The following GPAT3 variants were observed in gnomAD, a reference collection of about 807,000 sequenced individuals.
The protein encoded by GPAT3 is 1-AGP acyltransferase 9.
A neutral mutation model predicts 58.8 loss-of-function variants in GPAT3; 53 were observed. That is an observed-to-expected ratio of 0.90 (90% CI 0.72 to 1.13). The LOEUF (loss-of-function observed/expected upper bound fraction) is 1.13, where lower values mean the gene tolerates loss of function less well. Among genes scored for constraint, GPAT3 ranks in the 50% most tolerant of loss-of-function variants. The probability of loss-of-function intolerance (pLI) is 0.00; values close to 1 mark genes in which losing one functional copy is unlikely to be tolerated. For missense variants in GPAT3, 511 were observed against 527.6 expected (o/e 0.97, Z 0.31); for synonymous variants, 197 against 187.4 (o/e 1.05, Z -0.42).
intron 2 of GPAT3, among the ~76,000 whole-genome samples, chr4:83,575,859 A>T (rs979700344): frequency 1.3e-5 from 2 of 152,216 alleles, no homozygotes; most frequent in Non-Finnish European, 2.9e-5. Flanking sequence ...TTTTTTGGTT[A>T]TATCACATGT....
intron 1 of GPAT3, among the ~76,000 whole-genome samples, chr4:83,542,657 CTT>C (rs1484618621): frequency 6.6e-6 from 1 of 152,200 alleles, no homozygotes; most frequent in African/African-American, 2.4e-5. Flanking sequence ...TCAACAGACT[CTT>C]TTGAGCTTAG....
intron 7 of GPAT3, 82 bp downstream of exon 7, chr4:83,595,042 C>A: frequency 8.3e-7 from 1 of 1,201,276 alleles, no homozygotes; most frequent in South Asian, 1.3e-5. Flanking sequence ...GAGGGCCGAG[C>A]AGCACTGAGT....
rs1285029788 is a variant in GPAT3, at chr4:83,598,166, C to G, written c.1112C>G (p.Pro371Arg). 6.2e-7 allele frequency: 1 copy of G among 1,612,640 alleles called. No individual in the cohort carries two copies. The highest frequency in any genetic ancestry group is 8.5e-7 in the Non-Finnish European group (1 of 1,179,518). Residue 371 changes from proline (P) to arginine (R), a missense_variant, in exon 10 of 12, where the codon CCC becomes CGC. Transcript: ENST00000264409. ...AIVCDVWYMPPMTREEGEDAV... is the reference protein window; with the variant it reads ...AIVCDVWYMPRMTREEGEDAV... ...GTCTGTGACGTGTGGTACATGCCCC[C>G]CATGACCAGAGAGGTATTCCTTAGC...
At chr4:83,578,382 T>G (rs1165995404) in intron 2 of GPAT3, among the ~76,000 whole-genome samples, 1 of 152,188 alleles carries the variant, frequency 6.6e-6, no homozygotes, top group Non-Finnish European at 1.5e-5. Flanking sequence ...TATATTTTAT[T>G]TAAGTTACAC....
intron 1 of GPAT3, among the ~76,000 whole-genome samples, chr4:83,542,450 G>A (rs942524473): frequency 2.0e-5 from 3 of 152,170 alleles, no homozygotes; most frequent in African/African-American, 7.2e-5. Flanking sequence ...ACTGGAAGTT[G>A]GGAGATTGGC....
intron 2 of GPAT3, among the ~76,000 whole-genome samples, chr4:83,569,368 A>G (rs1725519390): frequency 6.6e-6 from 1 of 152,218 alleles, no homozygotes; most frequent in African/African-American, 2.4e-5. Context: ...TGAGAAGAAT[A>G]TAGCAGGGCT....
At chr4:83,579,038 CTTTCTTT>C (rs1725968598) in intron 2 of GPAT3, among the ~76,000 whole-genome samples, 9 of 23,514 alleles carry the variant, frequency 3.8e-4, no homozygotes, top group African/African-American at 1.0e-3. Flanking sequence ...TTCTTTCTTT[CTTTCTTT>C]CTTTCTTTCT....
chr4:83,562,179 TTATATATA>T lies in GPAT3; in HGVS notation c.208+17590_208+17597del, dbSNP rs138405336. ...AACTGATTTCTAGTTATTTTATATATTATATATATATATATATATAATATATATATATT... is the reference window on the plus strand; with the variant it reads ...AACTGATTTCTAGTTATTTTATATATTATATATATATAATATATATATATT... On this transcript the variant is annotated intron_variant, in intron 2 of 11. Transcript: ENST00000264409. Among the ~76,000 whole-genome samples the T allele has an allele frequency of 5.6e-4, 48 of 86,160 alleles. No homozygotes were observed. In the East Asian group the frequency reaches 0.013, roughly 23 times the overall value. 56.5% of individuals were successfully genotyped at this position (86,160 alleles called of 152,430 possible). A position where few individuals can be genotyped will look rare whatever the true frequency, so the allele number is the denominator to read the frequency against.
intron 2 of GPAT3, among the ~76,000 whole-genome samples, chr4:83,561,806 TAA>T (rs749084360): frequency 2.7e-4 from 36 of 133,020 alleles, no homozygotes; most frequent in Admixed American, 3.0e-4. Flanking sequence ...CCTTTTTTGG[TAA>T]AAAAAAAAAA....
chr4:83,591,511 T>C (rs1371190000), intron 6 of GPAT3, among the ~76,000 whole-genome samples: 1 of 152,210 alleles, frequency 6.6e-6, no homozygotes, highest in Non-Finnish European at 1.5e-5. Flanking sequence ...TAGGAATTAG[T>C]TGATAGTTAT....
intron 2 of GPAT3, among the ~76,000 whole-genome samples, chr4:83,574,335 A>G (rs1725706827): frequency 6.6e-6 from 1 of 152,224 alleles, no homozygotes; most frequent in South Asian, 2.1e-4. Context: ...TGTTATTCTA[A>G]GAGTTCACTC....
intron 2 of GPAT3, among the ~76,000 whole-genome samples, chr4:83,559,362 C>T (rs1358637308): frequency 6.6e-6 from 1 of 151,922 alleles, no homozygotes; most frequent in Non-Finnish European, 1.5e-5. Context: ...CTTGCTCTGT[C>T]ACCCAGGCTA....
At chr4:83,567,703 C>A (rs955978226) in intron 2 of GPAT3, among the ~76,000 whole-genome samples, 6 of 152,058 alleles carry the variant, frequency 3.9e-5, no homozygotes, top group Non-Finnish European at 8.8e-5. Flanking sequence ...GAGGCTGAGG[C>A]GGGTGGATCA....
In GPAT3 at chr4:83,604,875, T is replaced by C. The variant is rs1727199581; in HGVS notation, c.*108T>C. 2.1e-6 allele frequency: 2 copies of C among 935,900 alleles called. No individual in the cohort carries two copies. Among genetic ancestry groups the C allele is most frequent in the South Asian group, 3.5e-5 (2 of 57,760 alleles). The allele number at this position is 935,900 out of a possible 1,614,324, so 58.0% of individuals were successfully genotyped here. A position where few individuals can be genotyped will look rare whatever the true frequency, so the allele number is the denominator to read the frequency against. On this transcript the variant is annotated 3_prime_UTR_variant, in exon 12 of 12. Coordinates refer to ENST00000264409, the MANE Select transcript of GPAT3 (RefSeq NM_032717.5). Reference sequence around the variant, plus strand: ...TGTTTTTATTATTGTTAATCTTTTCTACAGAATGATTGTCTCTACCTCTTT... The same window carrying C: ...TGTTTTTATTATTGTTAATCTTTTCCACAGAATGATTGTCTCTACCTCTTT...
chr4:83,544,607 G>A lies in GPAT3; in HGVS notation c.208+5G>A. On this transcript the variant is annotated splice_donor_5th_base_variant and intron_variant, in intron 2 of 11. Coordinates refer to ENST00000264409, the MANE Select transcript of GPAT3 (RefSeq NM_032717.5). ...TTAAAAACTCTGCTTCTGTTGGTGA[G>A]TTTTCCTTTTCATTATGATTGTTAC... 6.2e-7 allele frequency: 1 copy of A among 1,613,832 alleles called. No homozygotes were observed. The highest frequency in any genetic ancestry group is 8.5e-7 in the Non-Finnish European group (1 of 1,179,864).
intron 2 of GPAT3, among the ~76,000 whole-genome samples, chr4:83,559,540 T>C (rs543989481): frequency 4.6e-5 from 7 of 152,288 alleles, no homozygotes; most frequent in East Asian, 1.9e-4. Context: ...CCCTGGCTGG[T>C]CTTGAACTCC....
At chr4:83,554,545 A>G (rs1724879428) in intron 2 of GPAT3, among the ~76,000 whole-genome samples, 1 of 151,992 alleles carries the variant, frequency 6.6e-6, no homozygotes, top group Non-Finnish European at 1.5e-5. Context: ...CATTGGCCCC[A>G]CTGTTCCATA....
At chr4:83,597,125 T>C (rs1726872196) in intron 8 of GPAT3, among the ~76,000 whole-genome samples, 2 of 152,194 alleles carry the variant, frequency 1.3e-5, no homozygotes, top group Admixed American at 1.3e-4. Context: ...CATTTCTGGG[T>C]AGTGAACTGA....
At chr4:83,570,417 A>G (rs1240277272) in intron 2 of GPAT3, among the ~76,000 whole-genome samples, 3 of 151,796 alleles carry the variant, frequency 2.0e-5, no homozygotes, top group African/African-American at 2.4e-5. Flanking sequence ...ACATGGGAAG[A>G]TAGGATTGGC....
Sources: gnomAD v4.1 joint callset for allele counts (sites outside exome capture counted in the v4.1 genomes callset) on GRCh38, gnomAD v4.1.1 for gene constraint, MANE v1.5 for transcripts, NCBI Gene and HGNC (gene_info 2026-07-23, HGNC 2026-07-21) for gene names.